SLC71A2: variants seen among roughly 807,000 people sequenced by gnomAD.
The protein encoded by SLC71A2 is solute carrier family 71 member 2.
the SLC71A2 span, among the ~76,000 whole-genome samples, chr9:94,430,772 C>T: frequency 6.6e-6 from 1 of 152,122 alleles, no homozygotes; most frequent in Non-Finnish European, 1.5e-5. Flanking sequence ...TTTATTTTCA[C>T]ATTGAAAAAT....
chr9:94,442,608 TGAGA>T, the SLC71A2 span, among the ~76,000 whole-genome samples: 2 of 152,096 alleles, frequency 1.3e-5, no homozygotes, highest in Non-Finnish European at 2.9e-5. Context: ...CTCAGCACTT[TGAGA>T]GGCTGAGGTG....
At chr9:94,415,963 T>C in the SLC71A2 span, among the ~76,000 whole-genome samples, 1 of 152,210 alleles carries the variant, frequency 6.6e-6, no homozygotes, top group Admixed American at 6.5e-5. Flanking sequence ...GTGAGTACTT[T>C]GTAACAATGA....
At chr9:94,431,392 A>T in the SLC71A2 span, among the ~76,000 whole-genome samples, 1 of 151,930 alleles carries the variant, frequency 6.6e-6, no homozygotes, top group Non-Finnish European at 1.5e-5. Flanking sequence ...CTCTTAAAAA[A>T]CATTCATATA....
the SLC71A2 span, among the ~76,000 whole-genome samples, chr9:94,428,613 A>C: frequency 7.1e-5 from 6 of 84,166 alleles, no homozygotes; most frequent in Admixed American, 8.6e-4. Flanking sequence ...TTTTTTTTTT[A>C]CTATGGACAT....
the SLC71A2 span, among the ~76,000 whole-genome samples, chr9:94,424,215 C>T: frequency 4.0e-5 from 6 of 150,952 alleles, no homozygotes; most frequent in African/African-American, 7.4e-5. Context: ...CCTGTGTTAA[C>T]TTCTATAGTA....
At chr9:94,382,666 C>CT in the SLC71A2 span, among the ~76,000 whole-genome samples, 22 of 148,470 alleles carry the variant, frequency 1.5e-4, no homozygotes, top group South Asian at 1.1e-3. Context: ...TCTATTTTTT[C>CT]TTTTTTTTTT....
At chr9:94,429,254 A>G in the SLC71A2 span, 1 of 1,595,712 alleles carries the variant, frequency 6.3e-7, no homozygotes, top group African/African-American at 1.4e-5. Context: ...GTGTAAAGGT[A>G]AGAAAAAATT....
At chr9:94,388,486 A>C in the SLC71A2 span, among the ~76,000 whole-genome samples, 2 of 152,260 alleles carry the variant, frequency 1.3e-5, no homozygotes, top group Non-Finnish European at 2.9e-5. Flanking sequence ...GTATATATTC[A>C]TGAAAGATTG....
the SLC71A2 span, among the ~76,000 whole-genome samples, chr9:94,399,833 T>G: frequency 1.3e-5 from 2 of 151,778 alleles, no homozygotes; most frequent in Non-Finnish European, 2.9e-5. Flanking sequence ...GAGATGGAGT[T>G]TCGCTTTTGT....
At chr9:94,398,225 T>C in the SLC71A2 span, among the ~76,000 whole-genome samples, 1 of 99,294 alleles carries the variant, frequency 1.0e-5, no homozygotes, top group Non-Finnish European at 2.1e-5. Flanking sequence ...CCTATCTTTG[T>C]TTTTTTTTAA....
the SLC71A2 span, among the ~76,000 whole-genome samples, chr9:94,450,148 T>C: frequency 6.6e-6 from 1 of 152,154 alleles, no homozygotes; most frequent in Non-Finnish European, 1.5e-5. Context: ...CACAACTCTT[T>C]GGATATACTA....
the SLC71A2 span, among the ~76,000 whole-genome samples, chr9:94,445,634 CCCTCTCTA>C: frequency 3.3e-5 from 5 of 151,980 alleles, no homozygotes; most frequent in African/African-American, 1.2e-4. Context: ...GTCTCTCTCT[CCCTCTCTA>C]CCTCCCTCCC....
chr9:94,424,527 G>A, the SLC71A2 span, among the ~76,000 whole-genome samples: 10 of 152,020 alleles, frequency 6.6e-5, no homozygotes, highest in Non-Finnish European at 1.3e-4. Context: ...GAGCCACTGC[G>A]CCCAGCCATA....
At chr9:94,444,961 C>T in the SLC71A2 span, 29 of 1,613,216 alleles carry the variant, frequency 1.8e-5, no homozygotes, top group Non-Finnish European at 2.4e-5. Flanking sequence ...TGCTTTCCCA[C>T]AGGTCTCAGC....
At chr9:94,422,487 A>C in the SLC71A2 span, among the ~76,000 whole-genome samples, 1 of 152,154 alleles carries the variant, frequency 6.6e-6, no homozygotes, top group Non-Finnish European at 1.5e-5. Context: ...TCTTGTATAT[A>C]TCTTTTGGTG....
the SLC71A2 span, among the ~76,000 whole-genome samples, chr9:94,456,936 C>T: frequency 6.6e-6 from 1 of 151,788 alleles, no homozygotes; most frequent in African/African-American, 2.4e-5. Context: ...CCCTCCATCC[C>T]TTCTTCCCTC....
the SLC71A2 span, chr9:94,374,860 C>A: frequency 2.3e-4 from 230 of 988,110 alleles, no homozygotes; most frequent in African/African-American, 3.5e-3. Context: ...GAGAAGGCGG[C>A]GTCGGAGCCC....
At chr9:94,436,538 C>A in the SLC71A2 span, among the ~76,000 whole-genome samples, 1 of 152,156 alleles carries the variant, frequency 6.6e-6, no homozygotes, top group African/African-American at 2.4e-5. Context: ...AATAATAATC[C>A]TTCTTTTGTA....
the SLC71A2 span, among the ~76,000 whole-genome samples, chr9:94,393,802 A>G: frequency 1.7e-5 from 2 of 118,440 alleles, 1 homozygote; most frequent in Admixed American, 1.6e-4. Flanking sequence ...TTTTGCCCAG[A>G]TATTGCTCAG....
Sources: gnomAD v4.1 joint callset for allele counts (sites outside exome capture counted in the v4.1 genomes callset) on GRCh38, gnomAD v4.1.1 for gene constraint, MANE v1.5 for transcripts, NCBI Gene and HGNC (gene_info 2026-07-23, HGNC 2026-07-21) for gene names.